The following PIBF1 variants were observed in gnomAD, a reference collection of about 807,000 sequenced individuals.
The protein encoded by PIBF1 is progesterone immunomodulatory binding factor 1.
In PIBF1, 90 loss-of-function variants were observed where a neutral mutation model predicts 112.5. That is an observed-to-expected ratio of 0.80 (90% CI 0.67 to 0.95). The LOEUF (loss-of-function observed/expected upper bound fraction) is 0.95. Ranked by LOEUF, PIBF1 falls within the 40% of genes least tolerant of loss-of-function variation. The pLI, the probability that PIBF1 is intolerant of heterozygous loss-of-function variation, is 0.00. For synonymous variants in PIBF1, 301 were observed against 288.6 expected, an observed-to-expected ratio of 1.04 and a Z score of -0.44; for missense variants, 915 against 852.3, an observed-to-expected ratio of 1.07 and a Z score of -0.92.
At chr13:72,839,665 A>G (rs560973796) in intron 9 of PIBF1, among the ~76,000 whole-genome samples, 128 of 152,358 alleles carry the variant, frequency 8.4e-4, no homozygotes, top group African/African-American at 3.0e-3. Flanking sequence ...AGCAATCCAC[A>G]TAGCCATATA....
At chr13:72,815,238 G>C (rs2036210204) in intron 5 of PIBF1, among the ~76,000 whole-genome samples, 1 of 152,194 alleles carries the variant, frequency 6.6e-6, no homozygotes, top group African/African-American at 2.4e-5. Context: ...AATACTTTAT[G>C]ATTAAACAGA....
intron 10 of PIBF1, among the ~76,000 whole-genome samples, chr13:72,871,082 A>G (rs1480746555): frequency 6.6e-6 from 1 of 152,282 alleles, no homozygotes; most frequent in East Asian, 1.9e-4. Flanking sequence ...ATTGGTAACT[A>G]TGGCCTGAAT....
At chr13:72,862,118 T>G (rs981497194) in intron 10 of PIBF1, among the ~76,000 whole-genome samples, 1 of 152,002 alleles carries the variant, frequency 6.6e-6, no homozygotes, top group Non-Finnish European at 1.5e-5. Flanking sequence ...AAAAAAACAT[T>G]TAGAGATTCA....
chr13:72,854,106 GT>G lies in PIBF1; in HGVS notation c.1274del (p.Val425GlyfsTer8). On this transcript the variant is annotated frameshift_variant, in exon 10 of 18. Coordinates refer to ENST00000326291, the MANE Select transcript of PIBF1 (RefSeq NM_006346.4). LOFTEE classifies it high-confidence loss of function. ...DNAVAEKERA[V>X]MAEKDALEKH... Reference sequence around the variant, plus strand: ...TGCTGTGGCTGAAAAGGAACGAGCAGTGATGGCTGAAAAGGATGCTTTAGAA... The same window carrying G: ...TGCTGTGGCTGAAAAGGAACGAGCAGGATGGCTGAAAAGGATGCTTTAGAA... The G allele has an allele frequency of 6.2e-7, 1 of 1,613,660 alleles. No homozygotes were observed. Among genetic ancestry groups the G allele is most frequent in the Non-Finnish European group, 8.5e-7 (1 of 1,179,670 alleles).
intron 16 of PIBF1, among the ~76,000 whole-genome samples, chr13:72,977,511 C>G (rs2043054192): frequency 6.6e-6 from 1 of 152,146 alleles, no homozygotes; most frequent in South Asian, 2.1e-4. Flanking sequence ...CCCAGCCTAG[C>G]TCTAACTTTT....
chr13:72,815,309 A>G (rs562724914), intron 5 of PIBF1, among the ~76,000 whole-genome samples: 3 of 152,370 alleles, frequency 2.0e-5, no homozygotes, highest in Admixed American at 6.5e-5. Flanking sequence ...GAATAGCTTC[A>G]TGAACACATT....
intron 14 of PIBF1, among the ~76,000 whole-genome samples, chr13:72,942,293 T>G (rs1355883401): frequency 1.3e-5 from 2 of 152,104 alleles, no homozygotes; most frequent in Admixed American, 1.3e-4. Context: ...ACCCACTGTT[T>G]TGTGTACCAC....
rs982264033 is a variant in PIBF1 at position 73,015,713 on chromosome 13, A to G, written c.2224-156A>G. Among the ~76,000 whole-genome samples the G allele has an allele frequency of 3.3e-5, 5 of 152,360 alleles. No homozygotes were observed. In the East Asian group the frequency reaches 7.7e-4, roughly 23 times the overall value. On this transcript the variant is annotated intron_variant, in intron 17 of 17. Transcript: ENST00000326291. Reference sequence around the variant, plus strand: ...TGGGAGATTATTTATGGCAAAAGACAAAGTCTTCGCCCTTAAGTATCCTTT... The same window carrying G: ...TGGGAGATTATTTATGGCAAAAGACGAAGTCTTCGCCCTTAAGTATCCTTT...
chr13:72,982,293 A>G (rs2043175669), intron 16 of PIBF1, among the ~76,000 whole-genome samples: 1 of 152,082 alleles, frequency 6.6e-6, no homozygotes, highest in Non-Finnish European at 1.5e-5. Flanking sequence ...AAAATTATCC[A>G]GGGATGGTGG....
At chr13:72,893,292 T>C (rs2040132837) in intron 10 of PIBF1, among the ~76,000 whole-genome samples, 1 of 152,074 alleles carries the variant, frequency 6.6e-6, no homozygotes, top group Non-Finnish European at 1.5e-5. Flanking sequence ...TGTACATTTT[T>C]TTCTTGTAAT....
intron 2 of PIBF1, among the ~76,000 whole-genome samples, chr13:72,790,463 A>ACACT (rs1555280999): frequency 1.4e-5 from 2 of 144,374 alleles, no homozygotes; most frequent in Admixed American, 1.4e-4. Context: ...ACACACACAC[A>ACACT]CTTATAGATA....
chr13:72,931,717 C>CATAT (rs1414425546), intron 14 of PIBF1, among the ~76,000 whole-genome samples: 2 of 24,422 alleles, frequency 8.2e-5, no homozygotes, highest in African/African-American at 1.2e-4. Flanking sequence ...ATTTAAACTA[C>CATAT]GTATATATAT....
intron 5 of PIBF1, among the ~76,000 whole-genome samples, chr13:72,799,625 G>A (rs2035373746): frequency 6.6e-6 from 1 of 152,170 alleles, no homozygotes; most frequent in African/African-American, 2.4e-5. Context: ...CCACTGTTTG[G>A]CCACTTTCTA....
intron 10 of PIBF1, among the ~76,000 whole-genome samples, chr13:72,863,483 C>G (rs573454053): frequency 2.0e-5 from 3 of 146,946 alleles, no homozygotes; most frequent in Admixed American, 7.1e-5. Context: ...AACCCCATCT[C>G]TACTAAAAAT....
intron 10 of PIBF1, among the ~76,000 whole-genome samples, chr13:72,859,638 A>T (rs2038603553): frequency 1.3e-5 from 2 of 152,320 alleles, no homozygotes; most frequent in South Asian, 4.1e-4. Context: ...GAATTTTAAT[A>T]GGAATAAATG....
At chr13:72,792,875 C>T (rs1469558657) in intron 3 of PIBF1, among the ~76,000 whole-genome samples, 1 of 152,134 alleles carries the variant, frequency 6.6e-6, no homozygotes, top group Non-Finnish European at 1.5e-5. Flanking sequence ...ACTTTCCTGG[C>T]CTGAAGTACT....
chr13:72,888,655 T>C (rs554330798), intron 10 of PIBF1, among the ~76,000 whole-genome samples: 1 of 152,202 alleles, frequency 6.6e-6, no homozygotes, highest in South Asian at 2.1e-4. Flanking sequence ...GTCCACATTG[T>C]GGTCTATTAT....
intron 14 of PIBF1, among the ~76,000 whole-genome samples, chr13:72,952,364 T>C (rs9530118): frequency 0.1 from 15,597 of 152,104 alleles, 1,082 homozygotes; most frequent in Non-Finnish European, 0.15. Context: ...CAGCTTTAAT[T>C]TCTTTATGTT....
intron 17 of PIBF1, among the ~76,000 whole-genome samples, chr13:73,001,746 C>T (rs1163739727): frequency 2.0e-5 from 3 of 151,542 alleles, no homozygotes; most frequent in Non-Finnish European, 4.4e-5. Flanking sequence ...GCCTCATCCT[C>T]CTGAGTAGCT....
Sources: gnomAD v4.1 joint callset for allele counts (sites outside exome capture counted in the v4.1 genomes callset) on GRCh38, gnomAD v4.1.1 for gene constraint, MANE v1.5 for transcripts, NCBI Gene and HGNC (gene_info 2026-07-23, HGNC 2026-07-21) for gene names.